PCSK2: variants seen among roughly 807,000 people sequenced by gnomAD.
The protein encoded by PCSK2 is proprotein convertase subtilisin/kexin type 2, also known as neuroendocrine convertase 2.
In PCSK2, 14 loss-of-function variants were observed where a neutral mutation model predicts 69.7. The ratio of observed to expected loss-of-function variants is 0.20; its 90% CI spans 0.13 to 0.31. The LOEUF is 0.31. PCSK2 is among the 10% of genes least tolerant of loss of function. The pLI, the probability that PCSK2 is intolerant of heterozygous loss-of-function variation, is 1.00. For missense variants in PCSK2, 544 were observed against 842.5 expected (o/e 0.65, Z 4.39); for synonymous variants, 307 against 320.7 (o/e 0.96, Z 0.46).
chr20:17,361,418 C>T (rs1216760279), intron 4 of PCSK2, among the ~76,000 whole-genome samples: 2 of 152,322 alleles, frequency 1.3e-5, no homozygotes, highest in East Asian at 3.9e-4. Flanking sequence ...CAACTACACA[C>T]GTCCTTGGCC....
At chr20:17,258,419 G>A (rs935740216) in intron 1 of PCSK2, among the ~76,000 whole-genome samples, 1 of 152,032 alleles carries the variant, frequency 6.6e-6, no homozygotes, top group Non-Finnish European at 1.5e-5. Context: ...ATTTTTGAAG[G>A]TTCTTATTCT....
intron 6 of PCSK2, among the ~76,000 whole-genome samples, chr20:17,426,447 G>A (rs2032250992): frequency 6.6e-6 from 1 of 152,182 alleles, no homozygotes; most frequent in Non-Finnish European, 1.5e-5. Context: ...ATTAGCAAAT[G>A]ACTGAACTAA....
intron 7 of PCSK2, among the ~76,000 whole-genome samples, chr20:17,430,736 A>G (rs1442405479): frequency 6.6e-6 from 1 of 152,216 alleles, no homozygotes; most frequent in East Asian, 1.9e-4. Context: ...TTTATAAGCC[A>G]GGCTCAGACC....
chr20:17,278,487 G>A (rs548756701), intron 2 of PCSK2, among the ~76,000 whole-genome samples: 14 of 152,076 alleles, frequency 9.2e-5, no homozygotes, highest in East Asian at 1.9e-4. Flanking sequence ...ACCAAACACC[G>A]CATGTTCTCA....
At chr20:17,461,199 AG>A (rs1304851867) in intron 10 of PCSK2, among the ~76,000 whole-genome samples, 1 of 152,192 alleles carries the variant, frequency 6.6e-6, no homozygotes. Context: ...CAACTACACC[AG>A]GGAGTCATGA....
intron 2 of PCSK2, among the ~76,000 whole-genome samples, chr20:17,339,856 G>C (rs1229832970): frequency 1.3e-5 from 2 of 152,088 alleles, no homozygotes. Flanking sequence ...ATAGACTATG[G>C]GCTCAGTTTA....
At chr20:17,300,299 T>C (rs1427600683) in intron 2 of PCSK2, among the ~76,000 whole-genome samples, 1 of 152,210 alleles carries the variant, frequency 6.6e-6, no homozygotes, top group African/African-American at 2.4e-5. Context: ...ACCCAGTGTG[T>C]GCACTGCTGT....
intron 6 of PCSK2, among the ~76,000 whole-genome samples, chr20:17,415,802 C>T (rs1353802163): frequency 6.6e-6 from 1 of 152,146 alleles, no homozygotes; most frequent in Non-Finnish European, 1.5e-5. Context: ...GCTACAGTAA[C>T]CAAAACAGCA....
intron 8 of PCSK2, among the ~76,000 whole-genome samples, chr20:17,446,629 A>G (rs775157177): frequency 6.6e-6 from 1 of 152,212 alleles, no homozygotes; most frequent in Non-Finnish European, 1.5e-5. Context: ...GTGAGGACAA[A>G]TGTGCAAATG....
intron 6 of PCSK2, among the ~76,000 whole-genome samples, chr20:17,412,211 C>T (rs1353503710): frequency 6.6e-6 from 1 of 152,000 alleles, no homozygotes; most frequent in Non-Finnish European, 1.5e-5. Context: ...GCTTCAGAAG[C>T]TCAGTAATAA....
chr20:17,423,088 A>C (rs1413673780), intron 6 of PCSK2, among the ~76,000 whole-genome samples: 1 of 152,164 alleles, frequency 6.6e-6, no homozygotes, highest in Non-Finnish European at 1.5e-5. Context: ...TTGATTTAGA[A>C]GTTTATTTTG....
At chr20:17,436,326 T>A (rs1568649172) in intron 7 of PCSK2, among the ~76,000 whole-genome samples, 1 of 152,132 alleles carries the variant, frequency 6.6e-6, no homozygotes, top group Non-Finnish European at 1.5e-5. Context: ...CCATCTATCA[T>A]ATGTAGTAGC....
chr20:17,381,373 A>G (rs2031083086), intron 5 of PCSK2, among the ~76,000 whole-genome samples: 1 of 152,236 alleles, frequency 6.6e-6, no homozygotes, highest in Non-Finnish European at 1.5e-5. Context: ...AATAAGATGT[A>G]TTACAGTGTG....
In PCSK2 at chr20:17,453,977, T is replaced by C. The variant is rs773912326; in HGVS notation, c.1101+20T>C. On this transcript the variant is annotated intron_variant, in intron 9 of 11. Coordinates refer to ENST00000262545, the MANE Select transcript of PCSK2 (RefSeq NM_002594.5). This position sits in a 1 kb window ranked among gnomAD's most constrained non-coding sequence, Gnocchi z 4.0. ...GGTGTGGTGAGCACGTCCCCTTCTG[T>C]CCTTGTTTCCTTAGGGCCACTGCAC... 1.2e-6 allele frequency: 2 copies of C among 1,613,522 alleles called. No individual in the cohort carries two copies. Among genetic ancestry groups the C allele is most frequent in the South Asian group, 1.1e-5 (1 of 90,992 alleles).
At chr20:17,228,323 C>T (rs1454441331) in intron 1 of PCSK2, 1 of 152,334 alleles carries the variant, frequency 6.6e-6, no homozygotes, top group Non-Finnish European at 1.5e-5. Context: ...CAGCTTTGGA[C>T]ACCTTGGATC....
At chr20:17,318,465 A>G (rs371998336) in intron 2 of PCSK2, among the ~76,000 whole-genome samples, 49 of 152,330 alleles carry the variant, frequency 3.2e-4, no homozygotes, top group African/African-American at 1.1e-3. Flanking sequence ...TAGATGAAAA[A>G]CAACATTACC....
intron 2 of PCSK2, among the ~76,000 whole-genome samples, chr20:17,342,615 G>A (rs370874977): frequency 2.6e-5 from 4 of 151,368 alleles, no homozygotes; most frequent in Non-Finnish European, 4.4e-5. Context: ...ACCAGGCCTC[G>A]CCTATAAAGC....
chr20:17,238,312 C>T (rs924155585), intron 1 of PCSK2, among the ~76,000 whole-genome samples: 1 of 152,066 alleles, frequency 6.6e-6, no homozygotes, highest in African/African-American at 2.4e-5. Context: ...TGCTATCCCA[C>T]CAGAATATTG....
chr20:17,369,227 T>C lies in PCSK2; in HGVS notation c.506-13T>C, dbSNP rs1568621532. The C allele has an allele frequency of 6.2e-7, 1 of 1,612,866 alleles. No homozygotes were observed. Among genetic ancestry groups the C allele is most frequent in the Admixed American group, 1.7e-5 (1 of 59,998 alleles). The stretch of plus-strand genomic sequence containing the variant: ...TAACCTTTGGTTCCTGTGTTATTGT[T>C]GTCTTTTCACAGGGATTGACTATCT... On this transcript the variant is annotated splice_polypyrimidine_tract_variant and intron_variant, in intron 4 of 11. Transcript: ENST00000262545.
Sources: allele counts gnomAD v4.1 joint callset (sites outside exome capture counted in the v4.1 genomes callset), GRCh38; gene constraint gnomAD v4.1.1; non-coding constraint Gnocchi (gnomAD v3.1); transcripts MANE v1.5; gene names NCBI Gene and HGNC (gene_info 2026-07-23, HGNC 2026-07-21).